The following CTNND2 variants were observed in gnomAD, a reference collection of about 807,000 sequenced individuals.
CTNND2 encodes catenin delta-2.
CTNND2 carries 22 observed loss-of-function variants against 144.4 expected under a neutral mutation model. The ratio of observed to expected loss-of-function variants is 0.15; its 90% CI spans 0.11 to 0.22. The LOEUF is 0.22. Among genes scored for constraint, CTNND2 ranks in the 10% least tolerant of loss-of-function variants. The pLI is 1.00. For synonymous variants in CTNND2, 751 were observed against 695.6 expected, an observed-to-expected ratio of 1.08 and a Z score of -1.25; for missense variants, 1,353 against 1,618.8, an observed-to-expected ratio of 0.84 and a Z score of 2.82.
chr5:11,537,029 G>A (rs1774271084), intron 3 of CTNND2, among the ~76,000 whole-genome samples: 1 of 151,104 alleles, frequency 6.6e-6, no homozygotes, highest in African/African-American at 2.4e-5. Context: ...GAGACCAAGT[G>A]AATCAGAAAT....
intron 2 of CTNND2, among the ~76,000 whole-genome samples, chr5:11,630,954 CA>C (rs200482921): frequency 0.067 from 9,451 of 140,582 alleles, 502 homozygotes; most frequent in African/African-American, 0.15. Context: ...AACTCCATCT[CA>C]AAAAAAAAAA....
chr5:11,662,261 A>ATATACATATATG (rs1561669576), intron 2 of CTNND2, among the ~76,000 whole-genome samples: 25 of 126,894 alleles, frequency 2.0e-4, no homozygotes, highest in African/African-American at 8.2e-4. Flanking sequence ...GTGTGTATAT[A>ATATACATATATG]TGTGTGTGTG....
chr5:11,833,007 A>G (rs1419403142), intron 1 of CTNND2, among the ~76,000 whole-genome samples: 1 of 152,212 alleles, frequency 6.6e-6, no homozygotes, highest in Non-Finnish European at 1.5e-5. Flanking sequence ...CAGAGCTGAC[A>G]AAGTTGTGGA....
intron 15 of CTNND2, among the ~76,000 whole-genome samples, chr5:11,090,439 G>A (rs1750650425): frequency 6.6e-6 from 1 of 152,202 alleles, no homozygotes; most frequent in South Asian, 2.1e-4. Context: ...TTAGGAACTG[G>A]GCCGTACAGC....
chr5:11,652,270 G>A (rs1166532945), intron 2 of CTNND2, among the ~76,000 whole-genome samples: 2 of 152,070 alleles, frequency 1.3e-5, no homozygotes, highest in Non-Finnish European at 2.9e-5. Context: ...TCCTCCTACG[G>A]CCACGTAAGA....
At chr5:11,272,938 AG>A (rs1746169658) in intron 9 of CTNND2, among the ~76,000 whole-genome samples, 1 of 152,188 alleles carries the variant, frequency 6.6e-6, no homozygotes, top group Non-Finnish European at 1.5e-5. Flanking sequence ...AGGTTTCTAC[AG>A]TTGCACATTT....
chr5:11,002,831 G>T (rs1238112216), intron 18 of CTNND2, among the ~76,000 whole-genome samples: 1 of 152,088 alleles, frequency 6.6e-6, no homozygotes, highest in Non-Finnish European at 1.5e-5. Context: ...TGGAAACTTT[G>T]TCTTCTATCC....
intron 2 of CTNND2, among the ~76,000 whole-genome samples, chr5:11,650,066 C>T (rs1459240293): frequency 6.6e-6 from 1 of 152,162 alleles, no homozygotes; most frequent in Admixed American, 6.5e-5. Flanking sequence ...TTTGTGTCCC[C>T]ACCCAAATCT....
intron 1 of CTNND2, among the ~76,000 whole-genome samples, chr5:11,848,781 C>T (rs1794875217): frequency 6.6e-6 from 1 of 152,006 alleles, no homozygotes; most frequent in Non-Finnish European, 1.5e-5. Flanking sequence ...AAATCCTGAC[C>T]CAAACCTCCT....
chr5:11,889,424 A>C (rs965637018), intron 1 of CTNND2, among the ~76,000 whole-genome samples: 1 of 152,218 alleles, frequency 6.6e-6, no homozygotes, highest in African/African-American at 2.4e-5. Context: ...ACTCATTCTA[A>C]ATTAGTGTTT....
intron 3 of CTNND2, among the ~76,000 whole-genome samples, chr5:11,452,803 T>C (rs1241806696): frequency 6.6e-6 from 1 of 152,150 alleles, no homozygotes; most frequent in Non-Finnish European, 1.5e-5. Flanking sequence ...TTGAAGAATT[T>C]TGAAATTTGA....
At chr5:11,699,191 C>G (rs1256494096) in intron 2 of CTNND2, among the ~76,000 whole-genome samples, 1 of 152,086 alleles carries the variant, frequency 6.6e-6, no homozygotes, top group Non-Finnish European at 1.5e-5. Context: ...ATCGTAAGCA[C>G]TGGGACAAAT....
chr5:11,218,282 C>T (rs1400988103), intron 10 of CTNND2, among the ~76,000 whole-genome samples: 2 of 152,128 alleles, frequency 1.3e-5, no homozygotes, highest in Non-Finnish European at 2.9e-5. Flanking sequence ...CCCGTTGAGT[C>T]ATCCTCATAA....
intron 3 of CTNND2, among the ~76,000 whole-genome samples, chr5:11,494,547 T>G (rs1430398052): frequency 6.6e-6 from 1 of 152,178 alleles, no homozygotes; most frequent in Admixed American, 6.5e-5. Flanking sequence ...TGAACTCCCC[T>G]GAAGCATTCG....
At chr5:11,870,630 G>T (rs1735030602) in intron 1 of CTNND2, among the ~76,000 whole-genome samples, 2 of 152,218 alleles carry the variant, frequency 1.3e-5, no homozygotes, top group African/African-American at 4.8e-5. Flanking sequence ...AGCAAAGCAA[G>T]AAAACCTGTC....
intron 1 of CTNND2, among the ~76,000 whole-genome samples, chr5:11,824,919 G>C (rs1240134354): frequency 6.6e-6 from 1 of 152,160 alleles, no homozygotes; most frequent in Non-Finnish European, 1.5e-5. Flanking sequence ...GATAATCAGA[G>C]TGCATCACTG....
At chr5:11,140,040 A>AGCATAATCGCCCTATTTTAAGGTCAGGTG (rs1164217149) in intron 12 of CTNND2, among the ~76,000 whole-genome samples, 2 of 152,240 alleles carry the variant, frequency 1.3e-5, no homozygotes, top group African/African-American at 4.8e-5. Context: ...CAAATAATCC[A>AGCATAATCGCCCTATTTTAAGGTCAGGTG]GCATAATCGC....
intron 9 of CTNND2, among the ~76,000 whole-genome samples, chr5:11,302,250 C>T (rs558122996): frequency 2.8e-4 from 42 of 152,152 alleles, no homozygotes; most frequent in African/African-American, 9.6e-4. Context: ...GTAAGTGGTG[C>T]TCTCTGGGCA....
intron 12 of CTNND2, among the ~76,000 whole-genome samples, chr5:11,129,177 T>TATATA (rs1755219330): frequency 6.1e-4 from 6 of 9,910 alleles, no homozygotes; most frequent in East Asian, 0.01. Flanking sequence ...TATTATATAT[T>TATATA]TTATATATAA....
Sources: allele counts gnomAD v4.1 joint callset (sites outside exome capture counted in the v4.1 genomes callset), GRCh38; gene constraint gnomAD v4.1.1; transcripts MANE v1.5; gene names NCBI Gene and HGNC (gene_info 2026-07-23, HGNC 2026-07-21).